Variants in QSOX1 observed in about 807,000 individuals in gnomAD.
QSOX1 encodes the protein sulfhydryl oxidase 1.
Under a neutral mutation model 76.1 loss-of-function variants are expected in QSOX1, and 40 were observed. That is an observed-to-expected ratio of 0.53 (90% CI 0.41 to 0.68). The LOEUF is 0.68. Ranked by LOEUF, QSOX1 falls within the 30% of genes least tolerant of loss-of-function variation. The pLI, the probability that QSOX1 is intolerant of heterozygous loss-of-function variation, is 0.00. For synonymous variants in QSOX1, 392 were observed against 413.1 expected (o/e 0.95, Z 0.62); for missense variants, 931 against 974.3 (o/e 0.96, Z 0.59).
intron 5 of QSOX1, among the ~76,000 whole-genome samples, chr1:180,179,837 A>G (rs192925338): frequency 2.6e-5 from 4 of 152,368 alleles, no homozygotes; most frequent in Non-Finnish European, 4.4e-5. Flanking sequence ...GAGAGGAGGC[A>G]CAGGGGTTGG....
At position 180,197,015 on chromosome 1, in the gene QSOX1, A is replaced by G. The variant is rs372495097; in HGVS notation, c.2222A>G (p.His741Arg). ...GCCAAGATAAGGGCCCTGAAGGGCCATGCTGGCCACCCTGCAGCCTGAACC... is the reference window on the plus strand; with the variant it reads ...GCCAAGATAAGGGCCCTGAAGGGCCGTGCTGGCCACCCTGCAGCCTGAACC... Reference protein sequence around the residue: ...FQAKIRALKGHAGHPAA With the variant: ...FQAKIRALKGRAGHPAA The change falls in exon 12 of 12, where the codon CAT becomes CGT. Residue 741 changes from histidine to arginine, a missense_variant. By Grantham distance (29) the His-to-Arg change is conservative. Coordinates refer to ENST00000367602, the MANE Select transcript of QSOX1 (RefSeq NM_002826.5). The G allele has an allele frequency of 8.8e-5, 142 of 1,611,048 alleles. No homozygotes were observed. The highest frequency in any genetic ancestry group is 1.5e-5 in the Non-Finnish European group (18 of 1,178,708).
At chr1:180,157,197 G>A (rs562108721) in intron 1 of QSOX1, among the ~76,000 whole-genome samples, 1 of 152,370 alleles carries the variant, frequency 6.6e-6, no homozygotes, top group Non-Finnish European at 1.5e-5. Flanking sequence ...AGGGTAAATG[G>A]GAGGTGGGAG....
intron 10 of QSOX1, among the ~76,000 whole-genome samples, chr1:180,191,121 C>G (rs1212572584): frequency 6.6e-6 from 1 of 152,206 alleles, no homozygotes; most frequent in Non-Finnish European, 1.5e-5. Context: ...CCCACACCTG[C>G]TTTTGAAGAC....
chr1:180,182,565 G>A (rs920679010), intron 6 of QSOX1, among the ~76,000 whole-genome samples: 5 of 152,046 alleles, frequency 3.3e-5, no homozygotes, highest in African/African-American at 7.2e-5. Flanking sequence ...ACCCAGTGTC[G>A]CCTGCACCCT....
intron 5 of QSOX1, among the ~76,000 whole-genome samples, chr1:180,180,899 A>G (rs1663015256): frequency 6.6e-6 from 1 of 152,154 alleles, no homozygotes; most frequent in African/African-American, 2.4e-5. Flanking sequence ...TAACCCCTTC[A>G]GTTCTCAGAA....
intron 1 of QSOX1, among the ~76,000 whole-genome samples, chr1:180,157,712 C>A (rs1399363191): frequency 2.6e-5 from 4 of 152,224 alleles, no homozygotes; most frequent in Admixed American, 1.3e-4. Flanking sequence ...TATTCCAGAG[C>A]AGCTCCGGTT....
intron 1 of QSOX1, 100 bp downstream of exon 1, chr1:180,155,272 A>G: frequency 4.1e-5 from 46 of 1,126,044 alleles, no homozygotes; most frequent in Non-Finnish European, 5.3e-5. Flanking sequence ...TCCCTCTTCC[A>G]GTCACCTCCG....
At chr1:180,158,773 T>G (rs1270420732) in intron 1 of QSOX1, among the ~76,000 whole-genome samples, 1 of 152,146 alleles carries the variant, frequency 6.6e-6, no homozygotes, top group African/African-American at 2.4e-5. Context: ...AATCTGTGCC[T>G]CTGTCTTCAT....
chr1:180,182,817 A>C (rs1469965405), intron 6 of QSOX1, among the ~76,000 whole-genome samples: 1 of 152,188 alleles, frequency 6.6e-6, no homozygotes. Flanking sequence ...TGGCCCGTTA[A>C]TGGCACCAGA....
In QSOX1 at chr1:180,186,199, C is replaced by G. The variant is rs1488281416; in HGVS notation, c.1017+17C>G. On this transcript the variant is annotated intron_variant, in intron 8 of 11. Transcript: ENST00000367602. ...CTGGCCAAGGTGAGCAGGGCCATGG[C>G]TTCCCTTGTCTGTGCAATTCTACGG... 6.2e-7 allele frequency: 1 copy of G among 1,603,600 alleles called. No individual in the cohort carries two copies. Among genetic ancestry groups the G allele is most frequent in the Admixed American group, 1.7e-5 (1 of 59,098 alleles).
Position 180,197,353 on chromosome 1 carries a change from A to G in QSOX1, c.*316A>G. On this transcript the variant is annotated 3_prime_UTR_variant, in exon 12 of 12. Coordinates refer to ENST00000367602, the MANE Select transcript of QSOX1 (RefSeq NM_002826.5). Reference sequence around the variant, plus strand: ...TTCAGCTTATTTGAAGTCCTGCCTCATTCTCACTGGAGCCTCAGTCTCTCC... The same window carrying G: ...TTCAGCTTATTTGAAGTCCTGCCTCGTTCTCACTGGAGCCTCAGTCTCTCC... The G allele has an allele frequency of 1.2e-6, 2 of 1,613,898 alleles. No individual in the cohort carries two copies.
At chr1:180,180,158 A>G (rs1461912490) in intron 5 of QSOX1, among the ~76,000 whole-genome samples, 3 of 152,232 alleles carry the variant, frequency 2.0e-5, no homozygotes, top group African/African-American at 7.2e-5. Flanking sequence ...GCATGATTTC[A>G]CTTCTAAGCC....
Position 180,203,520 on chromosome 1 carries a change from G to T in QSOX1, c.*6483G>T, listed in dbSNP as rs1013997540. On this transcript the variant is annotated 3_prime_UTR_variant, in exon 12 of 12. Transcript: ENST00000367602. ...CTGGCTTTCACTTAAATATGTTTTC[G>T]AATGTTTGTAATAAAATATTTCTTT... 1 of 152,112 alleles carries T rather than the reference G, an allele frequency of 6.6e-6. No homozygotes were observed. Among genetic ancestry groups the T allele is most frequent in the Non-Finnish European group, 1.5e-5 (1 of 68,022 alleles). 9.4% of individuals were successfully genotyped at this position (152,112 alleles called of 1,614,324 possible).
chr1:180,187,071 G>A (rs1285166820), intron 8 of QSOX1, among the ~76,000 whole-genome samples: 1 of 152,228 alleles, frequency 6.6e-6, no homozygotes, highest in Non-Finnish European at 1.5e-5. Flanking sequence ...ACCCTCCTCA[G>A]TGTGGGTCTG....
chr1:180,160,195 T>C (rs1662463654), intron 1 of QSOX1, among the ~76,000 whole-genome samples: 1 of 152,092 alleles, frequency 6.6e-6, no homozygotes, highest in African/African-American at 2.4e-5. Context: ...CCAACTAAAA[T>C]TGAAGAGATC....
At chr1:180,173,555 AG>A (rs1260126498) in intron 2 of QSOX1, among the ~76,000 whole-genome samples, 4 of 152,236 alleles carry the variant, frequency 2.6e-5, no homozygotes, top group African/African-American at 9.6e-5. Flanking sequence ...AGCAGTGAGC[AG>A]GAGTAAGGGC....
At chr1:180,163,552 T>C (rs971823152) in intron 1 of QSOX1, among the ~76,000 whole-genome samples, 6 of 152,244 alleles carry the variant, frequency 3.9e-5, no homozygotes, top group Non-Finnish European at 7.3e-5. Context: ...GACCCAATTA[T>C]ATTCTCTATG....
chr1:180,189,721 G>C, intron 9 of QSOX1, 47 bp downstream of exon 9: 1 of 1,592,846 alleles, frequency 6.3e-7, no homozygotes, highest in Non-Finnish European at 8.6e-7. Flanking sequence ...CCGTATTTAT[G>C]AGAGTGCAAG....
At chr1:180,180,402 G>T (rs1054135159) in intron 5 of QSOX1, among the ~76,000 whole-genome samples, 2 of 152,172 alleles carry the variant, frequency 1.3e-5, no homozygotes, top group South Asian at 4.1e-4. Flanking sequence ...TAGAGACGTG[G>T]TTTCACCATT....
Sources: allele counts gnomAD v4.1 joint callset (sites outside exome capture counted in the v4.1 genomes callset), GRCh38; gene constraint gnomAD v4.1.1; transcripts MANE v1.5; gene names NCBI Gene and HGNC (gene_info 2026-07-23, HGNC 2026-07-21).